SLCO1B3: variants seen among roughly 807,000 people sequenced by gnomAD.
SLCO1B3 encodes solute carrier organic anion transporter family member 1B3, also known as liver-specific organic anion transporter 2.
A neutral mutation model predicts 71.8 loss-of-function variants in SLCO1B3; 72 were observed. The ratio of observed to expected loss-of-function variants is 1.00; its 90% CI spans 0.83 to 1.22. SLCO1B3 has a LOEUF of 1.22. SLCO1B3 is among the 50% of genes most tolerant of loss of function. SLCO1B3 has a pLI of 0.00. For synonymous variants in SLCO1B3, 298 were observed against 278.4 expected, an observed-to-expected ratio of 1.07 and a Z score of -0.70; for missense variants, 911 against 819.7, an observed-to-expected ratio of 1.11 and a Z score of -1.36.
At chr12:20,870,759 C>A (rs986990471) in intron 8 of SLCO1B3, among the ~76,000 whole-genome samples, 2 of 152,090 alleles carry the variant, frequency 1.3e-5, no homozygotes, top group African/African-American at 4.8e-5. Flanking sequence ...AAGTGTGAAC[C>A]ATCACCTTTG....
intron 3 of SLCO1B3, among the ~76,000 whole-genome samples, chr12:20,854,739 T>C (rs1272113094): frequency 6.6e-6 from 1 of 152,164 alleles, no homozygotes; most frequent in Non-Finnish European, 1.5e-5. Context: ...CTGAGAACAG[T>C]GTCTAGCTTC....
chr12:20,901,445 A>G lies in SLCO1B3; in HGVS notation c.1843A>G (p.Ile615Val), dbSNP rs1043204378. The G allele has an allele frequency of 4.5e-6, 7 of 1,547,380 alleles. No homozygotes were observed. Among genetic ancestry groups the G allele is most frequent in the African/African-American group, 4.2e-5 (3 of 71,330 alleles). ...CTGTGGAGCACAAGGGGCTTGTAGG[A>G]TATATAATTCCGTATTTTTTGGGTA... Reference protein sequence around the residue: ...NSCGAQGACRIYNSVFFGRVY... With the variant: ...NSCGAQGACRVYNSVFFGRVY... The change falls in exon 15 of 16, where the codon ATA becomes GTA. Residue 615 changes from isoleucine (I) to valine (V), a missense_variant. Transcript: ENST00000381545.
chr12:20,842,809 A>G (rs756693669), intron 3 of SLCO1B3, among the ~76,000 whole-genome samples: 5 of 152,240 alleles, frequency 3.3e-5, no homozygotes, highest in African/African-American at 7.2e-5. Context: ...GCATATTGCT[A>G]TGGTCTGAAT....
intron 3 of SLCO1B3, among the ~76,000 whole-genome samples, chr12:20,821,654 C>T (rs918005800): frequency 6.6e-6 from 1 of 151,996 alleles, no homozygotes; most frequent in Non-Finnish European, 1.5e-5. Flanking sequence ...GCCCCTCCCC[C>T]AGAAAAGCAG....
intron 3 of SLCO1B3, among the ~76,000 whole-genome samples, chr12:20,838,635 A>G (rs889284959): frequency 1.3e-5 from 2 of 152,056 alleles, no homozygotes; most frequent in African/African-American, 4.8e-5. Flanking sequence ...ACAAACCTTT[A>G]CAGCCTGTTA....
At chr12:20,874,234 G>C (rs1865533345) in intron 8 of SLCO1B3, among the ~76,000 whole-genome samples, 1 of 152,068 alleles carries the variant, frequency 6.6e-6, no homozygotes. Context: ...TTAAGCCAGA[G>C]GGAAGAGCTG....
At chr12:20,820,491 G>A (rs537260293) in intron 3 of SLCO1B3, among the ~76,000 whole-genome samples, 207 of 152,304 alleles carry the variant, frequency 1.4e-3, no homozygotes, top group Non-Finnish European at 2.0e-3. Flanking sequence ...GGAGGTTCTG[G>A]AGGAATGCCT....
intron 15 of SLCO1B3, chr12:20,902,061 C>T (rs942857033): frequency 1.2e-5 from 3 of 260,424 alleles, no homozygotes; most frequent in Admixed American, 1.0e-4. Context: ...TAGAACTACT[C>T]ATAGTAGAAT....
intron 3 of SLCO1B3, 117 bp downstream of exon 3, chr12:20,815,939 A>C: frequency 2.0e-6 from 1 of 508,888 alleles, no homozygotes; most frequent in Non-Finnish European, 3.4e-6. Flanking sequence ...TTTCCATTGA[A>C]GCGTACATTA....
chr12:20,859,527 T>C (rs1310713638), intron 5 of SLCO1B3, among the ~76,000 whole-genome samples: 1 of 148,192 alleles, frequency 6.7e-6, no homozygotes, highest in Non-Finnish European at 1.5e-5. Flanking sequence ...AACTTTCTTC[T>C]TAATGGTACT....
At chr12:20,857,871 C>T (rs1398271636) in intron 4 of SLCO1B3, among the ~76,000 whole-genome samples, 4 of 152,068 alleles carry the variant, frequency 2.6e-5, no homozygotes, top group Non-Finnish European at 5.9e-5. Context: ...ATAATTTATA[C>T]TCAACATTAC....
chr12:20,818,129 C>A (rs1009740953), intron 3 of SLCO1B3, among the ~76,000 whole-genome samples: 2 of 152,054 alleles, frequency 1.3e-5, no homozygotes, highest in African/African-American at 4.8e-5. Flanking sequence ...TAAAAAGGAG[C>A]GTCTATACAG....
chr12:20,843,906 C>T lies in SLCO1B3; in HGVS notation c.85-11122C>T, dbSNP rs550210658. Among the ~76,000 whole-genome samples, 55 of 152,076 alleles carry T rather than the reference C, an allele frequency of 3.6e-4. 1 individual carries two copies. In the South Asian group the frequency reaches 0.011, roughly 32 times the overall value. ...ATTGATATTCTTATCTAAACTTTCT[C>T]CATATATATGTGTGTCCCTATGTCT... is the stretch of plus-strand genomic sequence containing the variant. On this transcript the variant is annotated intron_variant, in intron 3 of 15. Coordinates refer to ENST00000381545, the MANE Select transcript of SLCO1B3 (RefSeq NM_019844.4).
chr12:20,886,496 G>A (rs1252511549), intron 13 of SLCO1B3, among the ~76,000 whole-genome samples: 2 of 152,094 alleles, frequency 1.3e-5, no homozygotes, highest in African/African-American at 2.4e-5. Flanking sequence ...GGTCCCATGA[G>A]TTATGAGGAA....
At chr12:20,868,082 T>C (rs1865407142) in intron 8 of SLCO1B3, among the ~76,000 whole-genome samples, 1 of 152,212 alleles carries the variant, frequency 6.6e-6, no homozygotes, top group South Asian at 2.1e-4. Flanking sequence ...TTCTCCTGCT[T>C]ATTTTATAGA....
Position 20,838,435 on chromosome 12 carries a change from A to G in SLCO1B3, c.85-16593A>G, listed in dbSNP as rs540734208. Among the ~76,000 whole-genome samples, 6 of 152,116 alleles carry G rather than the reference A, an allele frequency of 3.9e-5. No individual in the cohort carries two copies. The East Asian group carries it at 1.2e-3, about 29-fold the overall frequency. On this transcript the variant is annotated intron_variant, in intron 3 of 15. Transcript: ENST00000381545. ...TCTATCTTTTAGTTGGTGCATTTAG[A>G]TAATTGATGTTAAAGTTCATTATTA...
chr12:20,858,110 A>G (rs1433003009), intron 4 of SLCO1B3, among the ~76,000 whole-genome samples: 1 of 152,108 alleles, frequency 6.6e-6, no homozygotes, highest in Non-Finnish European at 1.5e-5. Context: ...ATATGCATGA[A>G]TGATTATCTT....
At chr12:20,828,758 A>C (rs1319771711) in intron 3 of SLCO1B3, among the ~76,000 whole-genome samples, 1 of 152,094 alleles carries the variant, frequency 6.6e-6, no homozygotes, top group Non-Finnish European at 1.5e-5. Context: ...ACCATATTTT[A>C]GCTGTGACAA....
At chr12:20,828,928 T>A (rs1262126954) in intron 3 of SLCO1B3, among the ~76,000 whole-genome samples, 1 of 151,964 alleles carries the variant, frequency 6.6e-6, no homozygotes, top group Non-Finnish European at 1.5e-5. Context: ...TGGCTAGGAA[T>A]AAATGGCCCT....
Sources: gnomAD v4.1 joint callset for allele counts (sites outside exome capture counted in the v4.1 genomes callset) on GRCh38, gnomAD v4.1.1 for gene constraint, MANE v1.5 for transcripts, NCBI Gene and HGNC (gene_info 2026-07-23, HGNC 2026-07-21) for gene names.